The following XKR9 variants were observed in gnomAD, a reference collection of about 807,000 sequenced individuals.
XKR9 encodes the protein XK related 9, also known as XK-related protein 9.
In XKR9, 32 loss-of-function variants were observed where a neutral mutation model predicts 32.0. That is an observed-to-expected ratio of 1.00 (90% CI 0.76 to 1.34). The LOEUF (loss-of-function observed/expected upper bound fraction) is 1.34, where lower values mean the gene tolerates loss of function less well. XKR9 is among the 40% of genes most tolerant of loss of function. The pLI is 0.00. For synonymous variants in XKR9, 168 were observed against 143.4 expected, an observed-to-expected ratio of 1.17 and a Z score of -1.22; for missense variants, 546 against 429.7, an observed-to-expected ratio of 1.27 and a Z score of -2.39.
chr8:70,857,639 A>G, the XKR9 span, among the ~76,000 whole-genome samples: 1 of 152,214 alleles, frequency 6.6e-6, no homozygotes, highest in Non-Finnish European at 1.5e-5. Flanking sequence ...TCCTGATACC[A>G]AAGCCTGGCC....
chr8:70,789,455 C>G (rs1047328892), exon 3 of XKR9: 1 of 152,014 alleles, frequency 6.6e-6, no homozygotes, highest in East Asian at 1.9e-4. Context: ...AGCTCCAGTT[C>G]AAGCCTGTAA....
chr8:70,870,278 T>C, the XKR9 span, among the ~76,000 whole-genome samples: 2 of 152,200 alleles, frequency 1.3e-5, no homozygotes, highest in African/African-American at 4.8e-5. Context: ...ATGTGATGGG[T>C]ACTCTAGAGA....
At position 70,700,637 on chromosome 8, in the gene XKR9, GGGACCCACTTGA is replaced by G. The variant is rs1358631340; in HGVS notation, c.273-6292_273-6281del. 1.2e-4 allele frequency among the ~76,000 whole-genome samples: 18 copies of G among 152,316 alleles called. No homozygotes were observed. In the East Asian group the frequency reaches 3.5e-3, roughly 29 times the overall value. Reference sequence around the variant, plus strand: ...TAGGCTGCTCGGGGGTCAGGGGTCAGGGACCCACTTGAGGAGGCAGTCTGCCCGTTCTGAGAT... The same window carrying G: ...TAGGCTGCTCGGGGGTCAGGGGTCAGGGAGGCAGTCTGCCCGTTCTGAGAT... On this transcript the variant is annotated intron_variant, in intron 3 of 4. Coordinates refer to ENST00000408926, the MANE Select transcript of XKR9 (RefSeq NM_001011720.2).
chr8:70,735,080 T>G lies in XKR9; in HGVS notation c.*656T>G, dbSNP rs1374082247. The G allele has an allele frequency of 1.3e-5, 2 of 152,138 alleles. No homozygotes were observed. The highest frequency in any genetic ancestry group is 2.9e-5 in the Non-Finnish European group (2 of 68,018). The allele number at this position is 152,138 out of a possible 1,614,324, so 9.4% of individuals were successfully genotyped here. On this transcript the variant is annotated 3_prime_UTR_variant, in exon 5 of 5. Coordinates refer to ENST00000408926, the MANE Select transcript of XKR9 (RefSeq NM_001011720.2). ...TAGAATAGTTGTATCTAAATCATAT[T>G]TTAAAATTATTTTTATTTTTAAAAA...
chr8:70,855,153 G>A, the XKR9 span, among the ~76,000 whole-genome samples: 13 of 152,050 alleles, frequency 8.5e-5, no homozygotes, highest in Non-Finnish European at 1.3e-4. Context: ...GTTGAGAGAA[G>A]AAGGCTTCAG....
chr8:71,042,318 G>A, the XKR9 span, among the ~76,000 whole-genome samples: 24 of 152,154 alleles, frequency 1.6e-4, no homozygotes, highest in South Asian at 4.1e-4. Context: ...CAGTTGCCAG[G>A]GCCTCTCAGA....
chr8:71,058,693 A>C, the XKR9 span, among the ~76,000 whole-genome samples: 1 of 152,182 alleles, frequency 6.6e-6, no homozygotes, highest in Non-Finnish European at 1.5e-5. Flanking sequence ...TTCTATCAAA[A>C]ACTGAAGATG....
chr8:70,742,096 T>C (rs1373299773), intron 2 of XKR9, among the ~76,000 whole-genome samples: 1 of 152,204 alleles, frequency 6.6e-6, no homozygotes, highest in East Asian at 1.9e-4. Flanking sequence ...GCCATTCATA[T>C]ATCTTCTTTG....
chr8:70,904,236 A>T, the XKR9 span, among the ~76,000 whole-genome samples: 1 of 151,946 alleles, frequency 6.6e-6, no homozygotes, highest in Non-Finnish European at 1.5e-5. Flanking sequence ...TCCCATTATT[A>T]TTGTGTGGGA....
At chr8:71,026,024 G>C in the XKR9 span, among the ~76,000 whole-genome samples, 2 of 152,016 alleles carry the variant, frequency 1.3e-5, no homozygotes, top group Admixed American at 1.3e-4. Flanking sequence ...CTCTGTTCTT[G>C]CCCAGGGTGA....
At chr8:70,742,433 G>A (rs568877575) in intron 2 of XKR9, among the ~76,000 whole-genome samples, 1 of 152,134 alleles carries the variant, frequency 6.6e-6, no homozygotes, top group Admixed American at 6.5e-5. Context: ...CACTTGATTC[G>A]GAATCTTTGA....
At chr8:70,903,616 G>GT in the XKR9 span, among the ~76,000 whole-genome samples, 4 of 152,056 alleles carry the variant, frequency 2.6e-5, no homozygotes, top group African/African-American at 4.8e-5. Context: ...TTTTTAAAGG[G>GT]TTTTTTGTGT....
the XKR9 span, among the ~76,000 whole-genome samples, chr8:70,808,082 G>A: frequency 1.1e-4 from 16 of 152,036 alleles, no homozygotes; most frequent in Non-Finnish European, 1.8e-4. Context: ...AAACCACAGC[G>A]CAATCAAATT....
At chr8:70,772,160 T>C (rs1206471733) in intron 2 of XKR9, among the ~76,000 whole-genome samples, 3 of 152,198 alleles carry the variant, frequency 2.0e-5, no homozygotes, top group Non-Finnish European at 4.4e-5. Context: ...TGCATTTTCT[T>C]TACTAGAATA....
the XKR9 span, among the ~76,000 whole-genome samples, chr8:70,979,188 C>G: frequency 6.6e-6 from 1 of 152,202 alleles, no homozygotes; most frequent in Non-Finnish European, 1.5e-5. Flanking sequence ...GAACATCCTC[C>G]TTTAGCTCAG....
At chr8:70,978,948 T>C in the XKR9 span, among the ~76,000 whole-genome samples, 1 of 152,242 alleles carries the variant, frequency 6.6e-6, no homozygotes, top group Non-Finnish European at 1.5e-5. Context: ...TTACTCATTT[T>C]TCTCTGAATT....
chr8:70,964,509 A>T, the XKR9 span, among the ~76,000 whole-genome samples: 7 of 152,186 alleles, frequency 4.6e-5, no homozygotes, highest in African/African-American at 1.7e-4. Context: ...GAAGAATATC[A>T]ATGGTAGTTT....
chr8:71,005,807 T>G, the XKR9 span, among the ~76,000 whole-genome samples: 1 of 152,232 alleles, frequency 6.6e-6, no homozygotes, highest in Admixed American at 6.5e-5. Flanking sequence ...CAGTGCATCC[T>G]CATCTCTGTA....
At chr8:70,671,310 C>T (rs932445466) in intron 1 of XKR9, among the ~76,000 whole-genome samples, 1 of 147,092 alleles carries the variant, frequency 6.8e-6, no homozygotes, top group Non-Finnish European at 1.5e-5. Flanking sequence ...ATCCATGTTG[C>T]TGAAAATGAC....
Sources: gnomAD v4.1 joint callset for allele counts (sites outside exome capture counted in the v4.1 genomes callset) on GRCh38, gnomAD v4.1.1 for gene constraint, MANE v1.5 for transcripts, NCBI Gene and HGNC (gene_info 2026-07-23, HGNC 2026-07-21) for gene names.